The following ARHGAP44 variants were observed in gnomAD, a reference collection of about 807,000 sequenced individuals.
ARHGAP44 encodes the protein rho GTPase-activating protein 44.
A neutral mutation model predicts 106.8 loss-of-function variants in ARHGAP44; 43 were observed. That is an observed-to-expected ratio of 0.40 (90% confidence interval 0.32 to 0.52). The LOEUF (loss-of-function observed/expected upper bound fraction) is 0.52, where lower values mean the gene tolerates loss of function less well. ARHGAP44 is among the 20% of genes least tolerant of loss of function. The pLI is 0.48. For synonymous variants in ARHGAP44, 439 were observed against 410.3 expected, an observed-to-expected ratio of 1.07 and a Z score of -0.85; for missense variants, 866 against 1,050.5, an observed-to-expected ratio of 0.82 and a Z score of 2.43.
At chr17:12,901,083 C>A (rs952709089) in intron 3 of ARHGAP44, among the ~76,000 whole-genome samples, 5 of 151,970 alleles carry the variant, frequency 3.3e-5, no homozygotes, top group Non-Finnish European at 5.9e-5. Flanking sequence ...GCCACCATGC[C>A]CAGCTAACTT....
chr17:12,814,557 A>G (rs2034541322), intron 1 of ARHGAP44, among the ~76,000 whole-genome samples: 1 of 151,972 alleles, frequency 6.6e-6, no homozygotes. Context: ...TTGTTTGTGT[A>G]ACTTTTCTGT....
At chr17:12,877,556 C>G (rs1391912354) in intron 1 of ARHGAP44, among the ~76,000 whole-genome samples, 1 of 152,052 alleles carries the variant, frequency 6.6e-6, no homozygotes, top group Non-Finnish European at 1.5e-5. Flanking sequence ...AAAGATAATC[C>G]TGGCTAACAC....
chr17:12,952,668 A>G, intron 13 of ARHGAP44, 87 bp downstream of exon 13: 7 of 893,168 alleles, frequency 7.8e-6, no homozygotes, highest in African/African-American at 1.7e-5. Context: ...AGTCATGGTA[A>G]CTACCATGCA....
intron 16 of ARHGAP44, among the ~76,000 whole-genome samples, chr17:12,962,207 T>A (rs1041534295): frequency 8.9e-4 from 135 of 152,278 alleles, no homozygotes; most frequent in African/African-American, 3.1e-3. Flanking sequence ...TCAGTGACAC[T>A]TTCCTAGGCT....
chr17:12,811,997 A>C (rs1409585986), intron 1 of ARHGAP44, among the ~76,000 whole-genome samples: 3 of 152,156 alleles, frequency 2.0e-5, no homozygotes, highest in Non-Finnish European at 4.4e-5. Flanking sequence ...TGTGGTCAGG[A>C]CACCATAACT....
At chr17:12,791,717 T>C (rs971219849) in intron 1 of ARHGAP44, among the ~76,000 whole-genome samples, 1 of 152,068 alleles carries the variant, frequency 6.6e-6, no homozygotes, top group African/African-American at 2.4e-5. Context: ...TCAGAAAAAG[T>C]GGTCTTAGGT....
In ARHGAP44 at chr17:12,984,886, C is replaced by G; in HGVS notation, c.2295C>G (p.Ser765=). ...STEAPMLDGM[S]PGESMSTDLV... ...AGGCCCCCATGCTAGATGGCATGTC[C>G]CCTGGGGAAAGCATGTCTACAGGTA... The change falls in exon 20 of 21, where the codon TCC becomes TCG. Residue 765 remains serine (S), a synonymous_variant. Coordinates refer to ENST00000379672, the MANE Select transcript of ARHGAP44 (RefSeq NM_014859.6). The G allele has an allele frequency of 6.2e-7, 1 of 1,610,948 alleles. No homozygotes were observed. Among genetic ancestry groups the G allele is most frequent in the Non-Finnish European group, 8.5e-7 (1 of 1,177,668 alleles).
At chr17:12,805,821 G>A (rs895419279) in intron 1 of ARHGAP44, among the ~76,000 whole-genome samples, 11 of 152,186 alleles carry the variant, frequency 7.2e-5, no homozygotes, top group Non-Finnish European at 1.5e-4. Flanking sequence ...TAGGCAGAGG[G>A]AGTTGAGCTG....
chr17:12,986,623 CGA>C, intron 20 of ARHGAP44: 1 of 129,450 alleles, frequency 7.7e-6, no homozygotes, highest in South Asian at 2.4e-4. Flanking sequence ...GAGGTGGAGC[CGA>C]GATTGTGCCA....
At chr17:12,962,492 G>A (rs2039286741) in intron 16 of ARHGAP44, among the ~76,000 whole-genome samples, 1 of 152,164 alleles carries the variant, frequency 6.6e-6, no homozygotes. Flanking sequence ...ATTAAAATAA[G>A]GATCTCGAAA....
chr17:12,825,919 AC>A (rs1177225660), intron 1 of ARHGAP44, among the ~76,000 whole-genome samples: 1 of 152,122 alleles, frequency 6.6e-6, no homozygotes, highest in Non-Finnish European at 1.5e-5. Flanking sequence ...TCTACTTTCC[AC>A]CTGTAGCCAA....
At chr17:12,928,868 T>C in intron 6 of ARHGAP44, 61 bp from the exon 7 acceptor site, 1 of 1,408,502 alleles carries the variant, frequency 7.1e-7, no homozygotes, top group Non-Finnish European at 9.8e-7. Flanking sequence ...TTCTCAGTGC[T>C]CCCATGGGAT....
At position 12,926,492 on chromosome 17, in the gene ARHGAP44, A is replaced by AC. The variant is rs1567691216; in HGVS notation, c.465-2437_465-2436insC. Among the ~76,000 whole-genome samples the AC allele has an allele frequency of 2.1e-3, 303 of 143,630 alleles. 7 individuals carry two copies. The East Asian group carries it at 0.038, about 18-fold the overall frequency. The allele number at this position is 143,630 out of a possible 152,430, so 94.2% of individuals were successfully genotyped here. On this transcript the variant is annotated intron_variant, in intron 6 of 20. Coordinates refer to ENST00000379672, the MANE Select transcript of ARHGAP44 (RefSeq NM_014859.6). ...ATATATATAATATATATGTATGTAT[A>AC]ATATATGTATATATATTATATATGC...
At chr17:12,817,928 G>C (rs551592725) in intron 1 of ARHGAP44, among the ~76,000 whole-genome samples, 16 of 152,018 alleles carry the variant, frequency 1.1e-4, no homozygotes, top group African/African-American at 3.9e-4. Context: ...ACTGACAGTT[G>C]TACCAAACAT....
intron 3 of ARHGAP44, among the ~76,000 whole-genome samples, chr17:12,905,696 C>T (rs1567679134): frequency 6.6e-6 from 1 of 152,196 alleles, no homozygotes; most frequent in Non-Finnish European, 1.5e-5. Context: ...CTTGGACTAT[C>T]AGAAGTCCCC....
chr17:12,905,445 G>C (rs776808221), intron 3 of ARHGAP44, among the ~76,000 whole-genome samples: 6 of 152,102 alleles, frequency 3.9e-5, no homozygotes, highest in Admixed American at 1.3e-4. Flanking sequence ...TTTCCAGTCT[G>C]CACTTTGCAG....
intron 16 of ARHGAP44, among the ~76,000 whole-genome samples, chr17:12,967,749 G>T (rs1024993173): frequency 1.1e-4 from 17 of 152,050 alleles, no homozygotes; most frequent in South Asian, 4.2e-4. Flanking sequence ...CTGGTCCTGG[G>T]CCTAATCCTC....
chr17:12,799,692 T>G (rs2034030405), intron 1 of ARHGAP44, among the ~76,000 whole-genome samples: 1 of 152,184 alleles, frequency 6.6e-6, no homozygotes, highest in Non-Finnish European at 1.5e-5. Context: ...CCTCCGACGT[T>G]CAGGTATGCT....
At chr17:12,890,085 C>T (rs944575406) in intron 1 of ARHGAP44, among the ~76,000 whole-genome samples, 5 of 152,086 alleles carry the variant, frequency 3.3e-5, no homozygotes, top group African/African-American at 1.2e-4. Flanking sequence ...GGTAGCTCTA[C>T]AGTTCTGGGG....
Sources: allele counts gnomAD v4.1 joint callset (sites outside exome capture counted in the v4.1 genomes callset), GRCh38; gene constraint gnomAD v4.1.1; transcripts MANE v1.5; gene names NCBI Gene and HGNC (gene_info 2026-07-23, HGNC 2026-07-21).